Variants in NNMT observed in about 807,000 individuals in gnomAD.
NNMT encodes nicotinamide N-methyltransferase.
A neutral mutation model predicts 11.7 loss-of-function variants in NNMT; 10 were observed. The observed-to-expected ratio is 0.85, with a 90% CI of 0.53 to 1.45. The LOEUF (loss-of-function observed/expected upper bound fraction) is 1.45. Among genes scored for constraint, NNMT ranks in the 40% most tolerant of loss-of-function variants. The pLI, the probability that NNMT is intolerant of heterozygous loss-of-function variation, is 0.00. For missense variants in NNMT, 381 were observed against 319.4 expected, an observed-to-expected ratio of 1.19 and a Z score of -1.47; for synonymous variants, 143 against 133.8, an observed-to-expected ratio of 1.07 and a Z score of -0.48.
chr11:114,301,832 T>TA lies in NNMT; in HGVS notation c.362+3680dup, dbSNP rs2135276020. Among the ~76,000 whole-genome samples the TA allele has an allele frequency of 1.3e-5, 2 of 151,918 alleles. 1 individual carries two copies. Among genetic ancestry groups the TA allele is most frequent in the African/African-American group, 4.8e-5 (2 of 41,462 alleles). ...TTTTGCGGTGAACCTAATATTGCTGTAAAAAACAAAATCAATTTTTAAAAA... is the reference window on the plus strand; with the variant it reads ...TTTTGCGGTGAACCTAATATTGCTGTAAAAAAACAAAATCAATTTTTAAAAA... On this transcript the variant is annotated intron_variant, in intron 2 of 2. Coordinates refer to ENST00000299964, the MANE Select transcript of NNMT (RefSeq NM_006169.3).
intron 2 of NNMT, among the ~76,000 whole-genome samples, chr11:114,269,256 C>T (rs1395656513): frequency 6.6e-6 from 1 of 152,170 alleles, no homozygotes; most frequent in Non-Finnish European, 1.5e-5. Context: ...TTCTATCTTT[C>T]TTACCCATTT....
intron 1 of NNMT, among the ~76,000 whole-genome samples, chr11:114,258,436 A>G (rs186626522): frequency 6.6e-6 from 1 of 152,226 alleles, no homozygotes; most frequent in Non-Finnish European, 1.5e-5. Flanking sequence ...GAGAAGAGGC[A>G]TAAGGGAAGC....
intron 2 of NNMT, among the ~76,000 whole-genome samples, chr11:114,267,584 A>T (rs973946089): frequency 6.6e-6 from 1 of 152,184 alleles, no homozygotes; most frequent in Admixed American, 6.5e-5. Context: ...ATAAAAATAG[A>T]ATAATATGAT....
chr11:114,272,984 C>T lies in NNMT; in HGVS notation c.-130+10050C>T, dbSNP rs74937818. ...ATGAAGAGTAGCAGCAGAACCCAGG[C>T]GTGAATGAGCATGCTAAGTTCAATA... On this transcript the variant is annotated intron_variant, in intron 2 of 4. Transcript: ENST00000535401. 2.2e-3 allele frequency among the ~76,000 whole-genome samples: 341 copies of T among 152,242 alleles called. 3 individuals carry two copies. The highest frequency in any genetic ancestry group is 7.8e-3 in the African/African-American group (325 of 41,536).
intron 2 of NNMT, among the ~76,000 whole-genome samples, chr11:114,285,585 T>G (rs1350396810): frequency 1.3e-5 from 2 of 152,190 alleles, no homozygotes; most frequent in African/African-American, 4.8e-5. Flanking sequence ...GGTGATAATT[T>G]TGTTTATTTG....
intron 2 of NNMT, among the ~76,000 whole-genome samples, chr11:114,271,476 A>C (rs1262278312): frequency 6.6e-6 from 1 of 152,224 alleles, no homozygotes; most frequent in Admixed American, 6.5e-5. Flanking sequence ...CAGTGCAGTT[A>C]TAGAGCAGGT....
chr11:114,296,855 TG>T, intron 1 of NNMT, 145 bp downstream of exon 1: 1 of 776,034 alleles, frequency 1.3e-6, no homozygotes. Context: ...AAACGAATAT[TG>T]GTATAGCGAT....
intron 2 of NNMT, among the ~76,000 whole-genome samples, chr11:114,286,776 A>C (rs938602334): frequency 6.6e-6 from 1 of 152,180 alleles, no homozygotes; most frequent in Non-Finnish European, 1.5e-5. Flanking sequence ...ATTTTTCTCT[A>C]GGTGTGTACC....
chr11:114,296,567 G>T lies in NNMT; in HGVS notation c.11G>T (p.Gly4Val), dbSNP rs763975331. 3 of 1,613,874 alleles carry T rather than the reference G, an allele frequency of 1.9e-6. No homozygotes were observed. Among genetic ancestry groups the T allele is most frequent in the Non-Finnish European group, 2.5e-6 (3 of 1,179,988 alleles). MES[G>V]FTSKDTYLSH... Reference sequence around the variant, plus strand: ...CAGAAGTGAGACATAATGGAATCAGGCTTCACCTCCAAGGACACCTATCTA... The same window carrying T: ...CAGAAGTGAGACATAATGGAATCAGTCTTCACCTCCAAGGACACCTATCTA... The change falls in exon 1 of 3, where the codon GGC becomes GTC. Residue 4 changes from glycine to valine, a missense_variant. Transcript: ENST00000299964.
chr11:114,304,467 T>C (rs1945470745), intron 2 of NNMT, among the ~76,000 whole-genome samples: 1 of 152,258 alleles, frequency 6.6e-6, no homozygotes. Flanking sequence ...TTCTTATCCT[T>C]ATCCTTGTGC....
chr11:114,311,950 C>G, intron 2 of NNMT, 95 bp from the exon 3 acceptor site: 1 of 1,340,490 alleles, frequency 7.5e-7, no homozygotes, highest in South Asian at 1.4e-5. Context: ...GGACACACAT[C>G]TGGGACAATA....
upstream of NNMT, among the ~76,000 whole-genome samples, chr11:114,295,464 GCCCA>G (rs1945367003): frequency 8.3e-6 from 1 of 121,010 alleles, no homozygotes; most frequent in African/African-American, 3.3e-5. Flanking sequence ...TTGCTCTGTC[GCCCA>G]GGCTGGAGTG....
At chr11:114,298,695 A>G (rs147502726) in intron 2 of NNMT, among the ~76,000 whole-genome samples, 3 of 152,384 alleles carry the variant, frequency 2.0e-5, no homozygotes, top group East Asian at 1.9e-4. Context: ...TTACTTGAAA[A>G]GAATTTATTA....
At chr11:114,287,869 G>C (rs1049162833) in intron 2 of NNMT, among the ~76,000 whole-genome samples, 1 of 152,138 alleles carries the variant, frequency 6.6e-6, no homozygotes, top group Non-Finnish European at 1.5e-5. Context: ...CATCCATGAA[G>C]TGGCGTATTT....
chr11:114,300,485 G>A (rs947274986), intron 2 of NNMT, among the ~76,000 whole-genome samples: 5 of 152,156 alleles, frequency 3.3e-5, no homozygotes, highest in African/African-American at 9.7e-5. Context: ...ATTGAAAAGA[G>A]TGTATATTGT....
At chr11:114,295,631 A>G (rs546661231), upstream of NNMT, among the ~76,000 whole-genome samples, 403 of 151,588 alleles carry the variant, frequency 2.7e-3, 2 homozygotes, top group African/African-American at 9.1e-3. Context: ...GGGTTTCACC[A>G]TGTTAGCCAG....
At chr11:114,294,358 G>C (rs1056755590), upstream of NNMT, among the ~76,000 whole-genome samples, 4 of 151,660 alleles carry the variant, frequency 2.6e-5, no homozygotes, top group Non-Finnish European at 4.4e-5. Flanking sequence ...TGCACCTGTA[G>C]TCCCAGCTGC....
At chr11:114,278,341 G>T (rs1945231001) in intron 2 of NNMT, among the ~76,000 whole-genome samples, 1 of 152,100 alleles carries the variant, frequency 6.6e-6, no homozygotes, top group East Asian at 1.9e-4. Context: ...TGAGGGATTT[G>T]CTCCCACGAC....
At chr11:114,275,228 A>G (rs1376196312) in intron 2 of NNMT, among the ~76,000 whole-genome samples, 1 of 152,192 alleles carries the variant, frequency 6.6e-6, no homozygotes, top group Non-Finnish European at 1.5e-5. Flanking sequence ...CTCATAGCCT[A>G]TACTAGGTAT....
Sources: allele counts gnomAD v4.1 joint callset (sites outside exome capture counted in the v4.1 genomes callset), GRCh38; gene constraint gnomAD v4.1.1; transcripts MANE v1.5; gene names NCBI Gene and HGNC (gene_info 2026-07-23, HGNC 2026-07-21).